Variants in SNX29 observed in about 807,000 individuals in gnomAD.
SNX29 encodes sorting nexin 29.
Under a neutral mutation model 102.1 loss-of-function variants are expected in SNX29, and 78 were observed. The observed-to-expected ratio is 0.76, with a 90% CI of 0.64 to 0.92. SNX29 has a LOEUF of 0.92. Among genes scored for constraint, SNX29 ranks in the 40% least tolerant of loss-of-function variants. The pLI is 0.00. For missense variants in SNX29, 1,280 were observed against 1,061.7 expected (o/e 1.21, Z -2.86); for synonymous variants, 580 against 414.5 (o/e 1.40, Z -4.85).
At chr16:11,999,783 C>A (rs1388695626) in intron 2 of SNX29, among the ~76,000 whole-genome samples, 2 of 152,124 alleles carry the variant, frequency 1.3e-5, no homozygotes, top group African/African-American at 4.8e-5. Flanking sequence ...CACCTGTAAT[C>A]CCAGCTACTT....
chr16:12,347,485 C>T (rs1434421327), intron 15 of SNX29, among the ~76,000 whole-genome samples: 1 of 152,038 alleles, frequency 6.6e-6, no homozygotes, highest in Non-Finnish European at 1.5e-5. Flanking sequence ...GGCTCTGGAG[C>T]CAGACTGACC....
Position 12,042,896 on chromosome 16 carries a change from G to C in SNX29, c.248-1G>C. 6.2e-7 allele frequency: 1 copy of C among 1,603,900 alleles called. No individual in the cohort carries two copies. Among genetic ancestry groups the C allele is most frequent in the Non-Finnish European group, 8.5e-7 (1 of 1,172,604 alleles). Reference sequence around the variant, plus strand: ...CAGGCGCCTGTGCCCTCTCTCCGTAGAGCCCGTGTTCTGGTACTACGTGAA... The same window carrying C: ...CAGGCGCCTGTGCCCTCTCTCCGTACAGCCCGTGTTCTGGTACTACGTGAA... On this transcript the variant is annotated splice_acceptor_variant, in intron 4 of 20. Coordinates refer to ENST00000566228, the MANE Select transcript of SNX29 (RefSeq NM_032167.5). LOFTEE classifies it high-confidence loss of function.
intron 20 of SNX29, among the ~76,000 whole-genome samples, chr16:12,553,116 G>A (rs1368892459): frequency 6.8e-6 from 1 of 147,586 alleles, no homozygotes; most frequent in Non-Finnish European, 1.5e-5. Context: ...TTTCAGGCTG[G>A]GAGGGCCTTG....
chr16:12,018,784 C>G (rs1367356493), intron 3 of SNX29, among the ~76,000 whole-genome samples: 1 of 146,742 alleles, frequency 6.8e-6, no homozygotes, highest in East Asian at 2.0e-4. Context: ...AATGCGGTCT[C>G]GCGATATTGC....
intron 13 of SNX29, among the ~76,000 whole-genome samples, chr16:12,141,819 C>G (rs1447603708): frequency 6.6e-6 from 1 of 152,178 alleles, no homozygotes; most frequent in Non-Finnish European, 1.5e-5. Flanking sequence ...CTTACAGCAT[C>G]CTGTTTTATC....
At chr16:12,539,705 CATG>C (rs772528539) in intron 20 of SNX29, among the ~76,000 whole-genome samples, 2 of 152,198 alleles carry the variant, frequency 1.3e-5, no homozygotes, top group Admixed American at 6.5e-5. Flanking sequence ...GTCATACTGT[CATG>C]ATTCTTTACT....
chr16:12,147,691 T>G (rs2055122763), intron 13 of SNX29, among the ~76,000 whole-genome samples: 1 of 152,208 alleles, frequency 6.6e-6, no homozygotes, highest in South Asian at 2.1e-4. Context: ...TTTCCCTCTT[T>G]GCCTCCGGAG....
chr16:11,999,387 T>C (rs913838456), intron 2 of SNX29, 29 bp downstream of exon 2: 6 of 1,611,814 alleles, frequency 3.7e-6, no homozygotes, highest in Non-Finnish European at 3.4e-6. Flanking sequence ...TTTGCCTTTT[T>C]GGTCGAGTAA....
chr16:12,405,383 A>G (rs1446099924), intron 18 of SNX29, among the ~76,000 whole-genome samples: 1 of 152,022 alleles, frequency 6.6e-6, no homozygotes, highest in Non-Finnish European at 1.5e-5. Context: ...GTGGCAGTGA[A>G]GCCACTCTCT....
chr16:12,200,272 AC>A (rs1188570858), intron 14 of SNX29, among the ~76,000 whole-genome samples: 2 of 152,190 alleles, frequency 1.3e-5, no homozygotes, highest in Non-Finnish European at 2.9e-5. Context: ...AGATAGAAGA[AC>A]AGTCATGAAG....
chr16:12,476,413 CATATATATATAT>C (rs61390803), intron 18 of SNX29, among the ~76,000 whole-genome samples: 32 of 19,532 alleles, frequency 1.6e-3, no homozygotes, highest in South Asian at 4.5e-3. Context: ...TATATATATA[CATATATATATAT>C]ATATATATAT....
chr16:12,173,478 G>A (rs1184267800), intron 13 of SNX29, among the ~76,000 whole-genome samples: 1 of 152,192 alleles, frequency 6.6e-6, no homozygotes, highest in African/African-American at 2.4e-5. Context: ...TGGCCTGTGG[G>A]CTCTAGTTTT....
chr16:12,048,280 T>C (rs1379609316), intron 6 of SNX29, 92 bp from the exon 7 acceptor site: 6 of 1,583,768 alleles, frequency 3.8e-6, no homozygotes, highest in Non-Finnish European at 5.2e-6. Flanking sequence ...GTGCCTCCTC[T>C]TCTGTACTCT....
At chr16:12,555,864 C>T (rs1299693152) in intron 20 of SNX29, among the ~76,000 whole-genome samples, 1 of 152,186 alleles carries the variant, frequency 6.6e-6, no homozygotes, top group African/African-American at 2.4e-5. Flanking sequence ...CCATCATTTT[C>T]TCCAGAGGCC....
At chr16:12,369,621 T>C (rs2082610580) in intron 16 of SNX29, among the ~76,000 whole-genome samples, 1 of 152,162 alleles carries the variant, frequency 6.6e-6, no homozygotes, top group African/African-American at 2.4e-5. Context: ...CCCAGTGCTT[T>C]CCATTCTGTC....
intron 15 of SNX29, among the ~76,000 whole-genome samples, chr16:12,305,280 C>T (rs570364840): frequency 3.3e-5 from 5 of 152,168 alleles, no homozygotes; most frequent in South Asian, 2.1e-4. Context: ...AGAGGTGTGA[C>T]GAGGTTAGAC....
chr16:12,125,237 G>A (rs2054154222), intron 11 of SNX29, among the ~76,000 whole-genome samples: 1 of 152,162 alleles, frequency 6.6e-6, no homozygotes, highest in East Asian at 1.9e-4. Context: ...AACATTTTGG[G>A]GGGCATGCCA....
chr16:12,294,332 G>C lies in SNX29; in HGVS notation c.1782+16296G>C, dbSNP rs532870267. On this transcript the variant is annotated intron_variant, in intron 15 of 20. Coordinates refer to ENST00000566228, the MANE Select transcript of SNX29 (RefSeq NM_032167.5). ...CCTCTTGTCTCATTTGCCTGTTTTG[G>C]GGACAGACAGTGTCACTCTCAGTGG... 2.0e-5 allele frequency among the ~76,000 whole-genome samples: 3 copies of C among 152,244 alleles called. No homozygotes were observed. The East Asian group carries it at 5.8e-4, about 29-fold the overall frequency.
chr16:12,549,620 C>T (rs996443395), intron 20 of SNX29, among the ~76,000 whole-genome samples: 13 of 152,220 alleles, frequency 8.5e-5, no homozygotes, highest in African/African-American at 2.7e-4. Flanking sequence ...CCTTGCCCTC[C>T]ACACGCTCTG....
Sources: gnomAD v4.1 joint callset for allele counts (sites outside exome capture counted in the v4.1 genomes callset) on GRCh38, gnomAD v4.1.1 for gene constraint, MANE v1.5 for transcripts, NCBI Gene and HGNC (gene_info 2026-07-23, HGNC 2026-07-21) for gene names.